GTF2A1: variants seen among roughly 807,000 people sequenced by gnomAD.
GTF2A1 encodes the protein general transcription factor IIA subunit 1.
Under a neutral mutation model 54.1 loss-of-function variants are expected in GTF2A1, and 12 were observed. That is an observed-to-expected ratio of 0.22 (90% CI 0.14 to 0.36). The LOEUF (loss-of-function observed/expected upper bound fraction) is 0.36. GTF2A1 is among the 10% of genes least tolerant of loss of function. The pLI, the probability that GTF2A1 is intolerant of heterozygous loss-of-function variation, is 1.00. For synonymous variants in GTF2A1, 145 were observed against 152.0 expected (o/e 0.95, Z 0.34); for missense variants, 335 against 442.2 (o/e 0.76, Z 2.17).
intron 4 of GTF2A1, among the ~76,000 whole-genome samples, chr14:81,200,513 G>C (rs969072682): frequency 3.3e-5 from 5 of 151,776 alleles, no homozygotes; most frequent in Admixed American, 6.6e-5. Flanking sequence ...TGTACTCCCA[G>C]CTACTCAGGA....
chr14:81,189,046 T>C (rs1892813121), intron 7 of GTF2A1, among the ~76,000 whole-genome samples: 1 of 152,160 alleles, frequency 6.6e-6, no homozygotes, highest in Non-Finnish European at 1.5e-5. Flanking sequence ...AATATTCTAT[T>C]TTAAAAAGAT....
In GTF2A1 at chr14:81,179,759, T is replaced by C. The variant is rs1892601123; in HGVS notation, c.*464A>G. The C allele has an allele frequency of 6.6e-6, 1 of 152,254 alleles. No homozygotes were observed. Among genetic ancestry groups the C allele is most frequent in the Non-Finnish European group, 1.5e-5 (1 of 68,066 alleles). The allele number at this position is 152,254 out of a possible 1,614,324, so 9.4% of individuals were successfully genotyped here. On this transcript the variant is annotated 3_prime_UTR_variant, in exon 9 of 9. Transcript: ENST00000553612. ...TTTTCTTATACAAGTGAATTAAAAT[T>C]CAACACAATTCTTACCCTTTTGTAA...
chr14:81,193,037 A>G (rs1892911229), intron 6 of GTF2A1, among the ~76,000 whole-genome samples, 198 bp from the exon 7 acceptor site: 1 of 152,214 alleles, frequency 6.6e-6, no homozygotes. Context: ...TCTAGAAAAT[A>G]AGGATTTTCT....
chr14:81,212,838 T>G (rs1036753311), intron 2 of GTF2A1, among the ~76,000 whole-genome samples: 1 of 152,212 alleles, frequency 6.6e-6, no homozygotes, highest in African/African-American at 2.4e-5. Context: ...AATAAGCACA[T>G]GTGGCTAGTG....
Position 81,185,682 on chromosome 14 carries a change from A to T in GTF2A1, c.934-62T>A, listed in dbSNP as rs575764224. ...GGCCTTAATATTCACTGAAAAAAAA[A>T]ATATAATGACCTTGATGTTCTTTGA... On this transcript the variant is annotated intron_variant, in intron 7 of 8. Transcript: ENST00000553612. 2,989 of 843,746 alleles carry T rather than the reference A, an allele frequency of 3.5e-3. 112 individuals carry two copies. In the South Asian group the frequency reaches 0.043, roughly 12 times the overall value. 52.3% of individuals were successfully genotyped at this position (843,746 alleles called of 1,614,324 possible). A position where few individuals can be genotyped will look rare whatever the true frequency, so the allele number is the denominator to read the frequency against.
chr14:81,185,365 T>C (rs1242741428), intron 8 of GTF2A1, among the ~76,000 whole-genome samples, 166 bp downstream of exon 8: 6 of 151,736 alleles, frequency 4.0e-5, no homozygotes, highest in Non-Finnish European at 4.4e-5. Context: ...TAATCTTTCA[T>C]TCTATTAAAA....
At chr14:81,185,124 TTAA>T (rs34622857) in intron 8 of GTF2A1, among the ~76,000 whole-genome samples, 15,536 of 152,138 alleles carry the variant, frequency 0.1, 887 homozygotes, top group Middle Eastern at 0.18. Flanking sequence ...AGTCTTTTCC[TTAA>T]TAATAAAAAC....
rs779604498 is a variant in GTF2A1 at position 81,203,935 on chromosome 14, T to G, written c.302A>C (p.Gln101Pro). The change falls in exon 3 of 9, where the codon CAG becomes CCG. Residue 101 changes from glutamine (Q) to proline (P), a missense_variant. Physicochemically the swap from Gln to Pro is moderately conservative, Grantham distance 76 (BLOSUM62 -1). This residue lies in a region of GTF2A1 where 306 missense variants were observed against 360.4 expected (regional missense o/e 0.85). Transcript: ENST00000553612. ...TGCAGGAATAAGAACCTGCTGGGTC[T>G]GCGCTTGCTGAGGTACTGTCTGCTG... ...QPQQTVPQQA[Q>P]TQQVLIPASQ... 6.2e-7 allele frequency: 1 copy of G among 1,614,124 alleles called. No individual in the cohort carries two copies. Among genetic ancestry groups the G allele is most frequent in the Non-Finnish European group, 8.5e-7 (1 of 1,179,968 alleles).
rs12435303 is a variant in GTF2A1 at position 81,208,071 on chromosome 14, C to G, written c.133-3967G>C. Among the ~76,000 whole-genome samples, 1,055 of 152,280 alleles carry G rather than the reference C, an allele frequency of 6.9e-3. 6 individuals carry two copies. The highest frequency in any genetic ancestry group is 0.027 in the Middle Eastern group (8 of 294). On this transcript the variant is annotated intron_variant, in intron 2 of 8. Transcript: ENST00000553612. ...GAAATTTGCATAAGTAGCAAGAAGC[C>G]TAATGTTAATCTCCAAGACCATGGG... is the stretch of plus-strand genomic sequence containing the variant.
chr14:81,210,017 AGG>A, intron 2 of GTF2A1: 1 of 433,952 alleles, frequency 2.3e-6, no homozygotes, highest in Non-Finnish European at 4.2e-6. Context: ...CATTTTCGGC[AGG>A]ACAATTCTTT....
At position 81,175,807 on chromosome 14, in the gene GTF2A1, TTAA is replaced by T. The variant is rs1232352019; in HGVS notation, c.*4413_*4415del. On this transcript the variant is annotated 3_prime_UTR_variant, in exon 9 of 9. Coordinates refer to ENST00000553612, the MANE Select transcript of GTF2A1 (RefSeq NM_015859.4). ...CTTATTTAATACAATATGTTAATTA[TTAA>T]TATTTCACAAGGAGTAATCTTTATT... 1 of 152,318 alleles carries T rather than the reference TTAA, an allele frequency of 6.6e-6. No homozygotes were observed. Among genetic ancestry groups the T allele is most frequent in the East Asian group, 1.9e-4 (1 of 5,196 alleles). The allele number at this position is 152,318 out of a possible 1,614,324, so 9.4% of individuals were successfully genotyped here.
At position 81,190,904 on chromosome 14, in the gene GTF2A1, G is replaced by A. The variant is rs552229093; in HGVS notation, c.933+1615C>T. 8.1e-4 allele frequency among the ~76,000 whole-genome samples: 123 copies of A among 152,174 alleles called. 1 individual carries two copies. The highest frequency in any genetic ancestry group is 9.9e-4 in the Non-Finnish European group (67 of 67,992). ...GAGGACTAACAAAAGACATTAGGAC[G>A]GTGGCTGGTTCAAGGATGAATATTA... On this transcript the variant is annotated intron_variant, in intron 7 of 8. Transcript: ENST00000553612.
chr14:81,210,043 GTCCCACAAGAAATATGC>G, intron 2 of GTF2A1: 1 of 136,934 alleles, frequency 7.3e-6, no homozygotes, highest in Non-Finnish European at 1.6e-5. Context: ...ATACAGAATG[GTCCCACAAGAAATATGC>G]AGGAATTGCA....
Position 81,220,785 on chromosome 14 carries a change from C to T in GTF2A1, c.-267G>A, listed in dbSNP as rs1314957730. ...CCCTTCAGGGGTCCGGGGGGCGTTG[C>T]CCGCTCCCCACCCCGCGCCAAGGAG... On this transcript the variant is annotated 5_prime_UTR_variant, in exon 1 of 9. Coordinates refer to ENST00000553612, the MANE Select transcript of GTF2A1 (RefSeq NM_015859.4). 1.4e-5 allele frequency: 5 copies of T among 357,226 alleles called. No individual in the cohort carries two copies. The highest frequency in any genetic ancestry group is 2.5e-5 in the Non-Finnish European group (5 of 198,584). The allele number at this position is 357,226 out of a possible 1,614,324, so 22.1% of individuals were successfully genotyped here.
chr14:81,204,002 G>C lies in GTF2A1; in HGVS notation c.235C>G (p.Gln79Glu), dbSNP rs1893173959. Residue 79 changes from glutamine (Q) to glutamate (E), a missense_variant, in exon 3 of 9, where the codon CAG becomes GAG. Coordinates refer to ENST00000553612, the MANE Select transcript of GTF2A1 (RefSeq NM_015859.4). ...TGATGGTGATGGTGGTGATGCTGCT[G>C]CTGCTGGGGTTGATGCTGCTGTTGA... Reference protein sequence around the residue: ...QVQQQHQPQQQQHHHHHHHQQ... With the variant: ...QVQQQHQPQQEQHHHHHHHQQ... 2 of 1,613,842 alleles carry C rather than the reference G, an allele frequency of 1.2e-6. No homozygotes were observed. Among genetic ancestry groups the C allele is most frequent in the South Asian group, 1.1e-5 (1 of 91,084 alleles).
rs1379926256 is a variant in GTF2A1 at position 81,176,913 on chromosome 14, C to T, written c.*3310G>A. The stretch of plus-strand genomic sequence containing the variant: ...AGAAAATGCTAAGTCATAAAGAGAA[C>T]TCCCAAGAGGAAATTATGTCTGTTT... On this transcript the variant is annotated 3_prime_UTR_variant, in exon 9 of 9. Transcript: ENST00000553612. 6.6e-6 allele frequency: 1 copy of T among 152,022 alleles called. No homozygotes were observed. The highest frequency in any genetic ancestry group is 1.5e-5 in the Non-Finnish European group (1 of 67,950). The allele number at this position is 152,022 out of a possible 1,614,324, so 9.4% of individuals were successfully genotyped here. A position where few individuals can be genotyped will look rare whatever the true frequency, so the allele number is the denominator to read the frequency against.
chr14:81,200,402 T>C (rs1339332563), intron 4 of GTF2A1, among the ~76,000 whole-genome samples: 3 of 152,002 alleles, frequency 2.0e-5, no homozygotes, highest in Non-Finnish European at 4.4e-5. Flanking sequence ...GGTGGGCAGA[T>C]CGCTTGAGGT....
chr14:81,195,632 GAAAAAAAA>G, intron 6 of GTF2A1, among the ~76,000 whole-genome samples: 1 of 118,542 alleles, frequency 8.4e-6, no homozygotes, highest in South Asian at 3.0e-4. Context: ...ACTCTGTCTC[GAAAAAAAA>G]AAAAAAAAGA....
chr14:81,202,828 G>A (rs1208953775), intron 3 of GTF2A1: 1 of 505,400 alleles, frequency 2.0e-6, no homozygotes, highest in Non-Finnish European at 3.9e-6. Context: ...AGGAAGAACA[G>A]TCATCAAAAA....
Sources: gnomAD v4.1 joint callset for allele counts (sites outside exome capture counted in the v4.1 genomes callset) on GRCh38, gnomAD v4.1.1 for gene constraint, gnomAD v4.1.1 regional missense constraint, MANE v1.5 for transcripts, NCBI Gene and HGNC (gene_info 2026-07-23, HGNC 2026-07-21) for gene names.